The following NUP214 variants were observed in gnomAD, a reference collection of about 807,000 sequenced individuals.
The protein encoded by NUP214 is nucleoporin 214.
In NUP214, 79 loss-of-function variants were observed where a neutral mutation model predicts 196.2. That is an observed-to-expected ratio of 0.40 (90% CI 0.34 to 0.49). The LOEUF (loss-of-function observed/expected upper bound fraction) is 0.49. Ranked by LOEUF, NUP214 falls within the 20% of genes least tolerant of loss-of-function variation. NUP214 has a pLI of 0.58. For synonymous variants in NUP214, 1,020 were observed against 990.5 expected, an observed-to-expected ratio of 1.03 and a Z score of -0.56; for missense variants, 2,468 against 2,539.0, an observed-to-expected ratio of 0.97 and a Z score of 0.60.
Position 131,230,678 on chromosome 9 carries a change from G to T in NUP214, c.6123G>T (p.Gln2041His), listed in dbSNP as rs1834850442. ...NTTSFGTLASQNAPTFGSLSQ... is the reference protein window; with the variant it reads ...NTTSFGTLASHNAPTFGSLSQ... ...CATCCTTCGGCACGCTCGCGAGTCA[G>T]AATGCCCCCACTTTCGGATCACTGT... The change falls in exon 34 of 36, where the codon CAG becomes CAT. Residue 2041 changes from glutamine to histidine, a missense_variant. By Grantham distance (24) the Gln-to-His change is conservative. Coordinates refer to ENST00000359428, the MANE Select transcript of NUP214 (RefSeq NM_005085.4). 1.9e-6 allele frequency: 3 copies of T among 1,614,042 alleles called. No individual in the cohort carries two copies. The highest frequency in any genetic ancestry group is 2.5e-6 in the Non-Finnish European group (3 of 1,180,024).
chr9:131,197,198 AT>A lies in NUP214; in HGVS notation c.3722-15del. On this transcript the variant is annotated splice_polypyrimidine_tract_variant and intron_variant, in intron 28 of 35. Coordinates refer to ENST00000359428, the MANE Select transcript of NUP214 (RefSeq NM_005085.4). ...TTTGCTAAATCCAACCCATTTTCTG[AT>A]TTCTTTTTCTTGCTAGGGGCAACAC... 1 of 1,607,010 alleles carries A rather than the reference AT, an allele frequency of 6.2e-7. No homozygotes were observed. Among genetic ancestry groups the A allele is most frequent in the Non-Finnish European group, 8.5e-7 (1 of 1,175,152 alleles).
At position 131,129,322 on chromosome 9, in the gene NUP214, A is replaced by C; in HGVS notation, c.437A>C (p.Lys146Thr). 1.2e-6 allele frequency: 2 copies of C among 1,614,230 alleles called. No homozygotes were observed. The highest frequency in any genetic ancestry group is 1.7e-6 in the Non-Finnish European group (2 of 1,180,044). Residue 146 changes from lysine to threonine, a missense_variant, in exon 4 of 36, where the codon AAA becomes ACA. Physicochemically the swap from Lys to Thr is moderately conservative, Grantham distance 78. Coordinates refer to ENST00000359428, the MANE Select transcript of NUP214 (RefSeq NM_005085.4). ...CCATTTGCCTATCATAAGCTTTTGAAAGATGCAGGAGGCATGGTGATTGAT... is the reference window on the plus strand; with the variant it reads ...CCATTTGCCTATCATAAGCTTTTGACAGATGCAGGAGGCATGGTGATTGAT... ...KRPFAYHKLL[K>T]DAGGMVIDMK...
intron 17 of NUP214, among the ~76,000 whole-genome samples, chr9:131,153,865 G>A (rs182683256): frequency 9.8e-4 from 149 of 152,362 alleles, no homozygotes; most frequent in Non-Finnish European, 1.1e-3. Context: ...AATTCCTGCA[G>A]TTGGGTAAGT....
chr9:131,130,883 T>C (rs745864821), intron 5 of NUP214, 47 bp downstream of exon 5: 1 of 1,491,710 alleles, frequency 6.7e-7, no homozygotes. Flanking sequence ...GTTGCCCACT[T>C]TTTTGGGGGT....
intron 7 of NUP214, among the ~76,000 whole-genome samples, chr9:131,134,630 A>T (rs1254090246): frequency 2.0e-5 from 3 of 152,202 alleles, no homozygotes; most frequent in Non-Finnish European, 4.4e-5. Context: ...TCTAGTATAC[A>T]CATGAGAACA....
chr9:131,154,117 G>T (rs1832358722), intron 17 of NUP214, among the ~76,000 whole-genome samples: 1 of 152,178 alleles, frequency 6.6e-6, no homozygotes, highest in Non-Finnish European at 1.5e-5. Flanking sequence ...AGTTACATTT[G>T]CTACTAAGGT....
At chr9:131,139,021 G>A (rs1831825740) in intron 9 of NUP214, among the ~76,000 whole-genome samples, 1 of 152,114 alleles carries the variant, frequency 6.6e-6, no homozygotes, top group Non-Finnish European at 1.5e-5. Context: ...TATTTACAAG[G>A]CAGAGGCTTG....
rs912540604 is a variant in NUP214, at chr9:131,232,713, G to A, written c.6239+405G>A. ...GTGCTTCTGTGTAAAATTTCATGGCGTTAAAATTCAGTCTTAGCCAGGTGG... is the reference window on the plus strand; with the variant it reads ...GTGCTTCTGTGTAAAATTTCATGGCATTAAAATTCAGTCTTAGCCAGGTGG... On this transcript the variant is annotated intron_variant, in intron 35 of 35. Transcript: ENST00000359428. This position sits in a 1 kb window ranked among gnomAD's most constrained non-coding sequence, Gnocchi z 5.1. The A allele has an allele frequency of 2.6e-5, 7 of 266,482 alleles. No homozygotes were observed. Among genetic ancestry groups the A allele is most frequent in the African/African-American group, 6.7e-5 (3 of 44,808 alleles). 16.5% of individuals were successfully genotyped at this position (266,482 alleles called of 1,614,324 possible).
chr9:131,178,175 C>G, intron 23 of NUP214, 136 bp from the exon 24 acceptor site: 1 of 655,716 alleles, frequency 1.5e-6, no homozygotes, highest in Non-Finnish European at 2.7e-6. Context: ...CAAGAACTAC[C>G]TAGAGTAGAT....
chr9:131,141,927 G>C lies in NUP214; in HGVS notation c.1294+1217G>C, dbSNP rs560616550. On this transcript the variant is annotated intron_variant, in intron 11 of 35. Coordinates refer to ENST00000359428, the MANE Select transcript of NUP214 (RefSeq NM_005085.4). ...TTACCTAAGCAAAAATGTATGACCAGTTGGTTTGTATAAGGTTAGCAATAA... is the reference window on the plus strand; with the variant it reads ...TTACCTAAGCAAAAATGTATGACCACTTGGTTTGTATAAGGTTAGCAATAA... Among the ~76,000 whole-genome samples, 6 of 152,222 alleles carry C rather than the reference G, an allele frequency of 3.9e-5. 1 individual carries two copies. The South Asian group carries it at 1.2e-3, about 32-fold the overall frequency.
At chr9:131,144,237 T>C in intron 11 of NUP214, 43 bp from the exon 12 acceptor site, 1 of 1,437,232 alleles carries the variant, frequency 7.0e-7, no homozygotes, top group Non-Finnish European at 9.7e-7. Context: ...GAACCTCCAC[T>C]GTTACAGTGT....
chr9:131,189,154 T>C lies in NUP214; in HGVS notation c.3574+23T>C, dbSNP rs376055534. ...CAGGTCAGTTTGCATTTTTGTTTTC[T>C]TGAAAAGTGAAAGAAGCACTCCACA... is the stretch of plus-strand genomic sequence containing the variant. On this transcript the variant is annotated intron_variant, in intron 26 of 35. Coordinates refer to ENST00000359428, the MANE Select transcript of NUP214 (RefSeq NM_005085.4). 1.4e-5 allele frequency: 22 copies of C among 1,600,938 alleles called. No individual in the cohort carries two copies. The African/African-American group carries it at 2.3e-4, about 17-fold the overall frequency.
chr9:131,164,327 G>A, intron 21 of NUP214, 183 bp downstream of exon 21: 1 of 601,830 alleles, frequency 1.7e-6, no homozygotes, highest in Admixed American at 3.0e-5. Flanking sequence ...TTGTTAATCT[G>A]AATAGTGGAA....
intron 17 of NUP214, among the ~76,000 whole-genome samples, chr9:131,156,450 T>A (rs910646181): frequency 9.9e-5 from 15 of 152,182 alleles, no homozygotes; most frequent in Non-Finnish European, 2.9e-5. Context: ...GATGTATTTC[T>A]ATTTGTTTGT....
chr9:131,230,791 C>G, intron 34 of NUP214, 22 bp downstream of exon 34: 4 of 1,608,026 alleles, frequency 2.5e-6, no homozygotes, highest in Non-Finnish European at 3.4e-6. Context: ...CAAGTTCTCC[C>G]CTCACAAGCA....
chr9:131,198,690 T>C lies in NUP214; in HGVS notation c.5196T>C (p.Phe1732=), dbSNP rs774373099. 4 of 1,614,118 alleles carry C rather than the reference T, an allele frequency of 2.5e-6. No individual in the cohort carries two copies. Among genetic ancestry groups the C allele is most frequent in the Non-Finnish European group, 1.7e-6 (2 of 1,180,042 alleles). The stretch of plus-strand genomic sequence containing the variant: ...CAACCTTCGGGCAGGCCTCAGTCTT[T>C]GGGCAGTCGGCGAGCAGTGCTGCAA... ...GQTTFGQASV[F]GQSASSAASV... The change falls in exon 29 of 36, where the codon TTT becomes TTC. Residue 1732 remains phenylalanine, a synonymous_variant. Transcript: ENST00000359428.
Position 131,174,272 on chromosome 9 carries a change from A to G in NUP214, c.3111A>G (p.Lys1037=), listed in dbSNP as rs1833039288. ...SLLPHAAPFA[K]SHLVHGSSPG... ...TGCCCCATGCAGCACCTTTTGCTAA[A>G]TCTCACCTGGTTCATGGTTCTTCAC... Residue 1037 remains lysine (K), a synonymous_variant, in exon 22 of 36, where the codon AAA becomes AAG. Coordinates refer to ENST00000359428, the MANE Select transcript of NUP214 (RefSeq NM_005085.4). 1 of 1,613,874 alleles carries G rather than the reference A, an allele frequency of 6.2e-7. No individual in the cohort carries two copies. Among genetic ancestry groups the G allele is most frequent in the Non-Finnish European group, 8.5e-7 (1 of 1,179,952 alleles).
Position 131,132,126 on chromosome 9 carries a change from T to C in NUP214, c.664-470T>C, listed in dbSNP as rs570305258. On this transcript the variant is annotated intron_variant, in intron 5 of 35. Coordinates refer to ENST00000359428, the MANE Select transcript of NUP214 (RefSeq NM_005085.4). ...GTTTCTTTTCTTTTCTTTCTTTTTT[T>C]TTTTTTTTTGGAGACCAAGTTTTGC... Among the ~76,000 whole-genome samples, 973 of 145,584 alleles carry C rather than the reference T, an allele frequency of 6.7e-3. 19 individuals are homozygous for C. The highest frequency in any genetic ancestry group is 0.022 in the African/African-American group (889 of 40,202).
intron 28 of NUP214, among the ~76,000 whole-genome samples, chr9:131,196,396 C>T (rs62580398): frequency 0.17 from 25,869 of 152,020 alleles, 2,705 homozygotes; most frequent in South Asian, 0.23. Flanking sequence ...CTCCTGACCT[C>T]GTGATCCACG....
Sources: allele counts gnomAD v4.1 joint callset (sites outside exome capture counted in the v4.1 genomes callset), GRCh38; gene constraint gnomAD v4.1.1; non-coding constraint Gnocchi (gnomAD v3.1); transcripts MANE v1.5; gene names NCBI Gene and HGNC (gene_info 2026-07-23, HGNC 2026-07-21).